Variants in EDAR observed in about 807,000 individuals in gnomAD.
The protein encoded by EDAR is tumor necrosis factor receptor superfamily member EDAR.
Under a neutral mutation model 51.3 loss-of-function variants are expected in EDAR, and 38 were observed. The observed-to-expected ratio is 0.74, with a 90% CI of 0.57 to 0.97. EDAR has a LOEUF of 0.97. Ranked by LOEUF, EDAR falls within the 50% of genes least tolerant of loss-of-function variation. The pLI, the probability that EDAR is intolerant of heterozygous loss-of-function variation, is 0.00. For synonymous variants in EDAR, 227 were observed against 242.1 expected (o/e 0.94, Z 0.58); for missense variants, 528 against 595.0 (o/e 0.89, Z 1.17).
intron 1 of EDAR, among the ~76,000 whole-genome samples, chr2:108,988,108 C>T (rs1698527968): frequency 6.6e-6 from 1 of 152,338 alleles, no homozygotes; most frequent in East Asian, 1.9e-4. Context: ...GCGTGTACCC[C>T]TGGCTGTGTG....
At chr2:108,909,442 T>TGAATCATAGGAAGATCATA (rs1553445468) in intron 9 of EDAR, among the ~76,000 whole-genome samples, 6 of 151,530 alleles carry the variant, frequency 4.0e-5, no homozygotes, top group South Asian at 2.1e-4. Flanking sequence ...CTTTGCAAGG[T>TGAATCATAGGAAGATCATA]GAATCATAGG....
At chr2:108,979,663 A>G (rs1263387432) in intron 1 of EDAR, among the ~76,000 whole-genome samples, 2 of 152,126 alleles carry the variant, frequency 1.3e-5, no homozygotes, top group Admixed American at 6.5e-5. Context: ...CCAGGGTCAG[A>G]TTAATCATGA....
chr2:108,980,126 G>C (rs981305654), intron 1 of EDAR, among the ~76,000 whole-genome samples: 1 of 149,630 alleles, frequency 6.7e-6, no homozygotes, highest in African/African-American at 2.5e-5. Flanking sequence ...CGGGTGGGGG[G>C]CTGGGCAAGT....
rs1330941063 is a variant in EDAR at position 108,897,169 on chromosome 2, G to A, written c.1085C>T (p.Ser362Phe). 1 of 1,613,858 alleles carries A rather than the reference G, an allele frequency of 6.2e-7. No individual in the cohort carries two copies. Among genetic ancestry groups the A allele is most frequent in the East Asian group, 2.2e-5 (1 of 44,870 alleles). ...CLEKTSRMLS[S>F]TYNSEKAVVK... Reference sequence around the variant, plus strand: ...AACAGCCTTCTCAGAGTTGTACGTGGAGCTGAGCATTCGGCTAGTCTTCTC... The same window carrying A: ...AACAGCCTTCTCAGAGTTGTACGTGAAGCTGAGCATTCGGCTAGTCTTCTC... Residue 362 changes from serine (S) to phenylalanine (F), a missense_variant, in exon 12 of 12, where the codon TCC becomes TTC. Physicochemically the swap from Ser to Phe is radical, Grantham distance 155. Transcript: ENST00000258443.
At position 108,896,791 on chromosome 2, in the gene EDAR, A is replaced by T; in HGVS notation, c.*116T>A. On this transcript the variant is annotated 3_prime_UTR_variant, in exon 12 of 12. Transcript: ENST00000258443. ...TGGCTCCTTGAACATCCTAAGGCAT[A>T]CGGTGACATATCACAAAAGCCTTGA... 3 of 1,013,062 alleles carry T rather than the reference A, an allele frequency of 3.0e-6. No homozygotes were observed. The highest frequency in any genetic ancestry group is 4.4e-6 in the Non-Finnish European group (3 of 685,286). The allele number at this position is 1,013,062 out of a possible 1,614,324, so 62.8% of individuals were successfully genotyped here. A position where few individuals can be genotyped will look rare whatever the true frequency, so the allele number is the denominator to read the frequency against.
chr2:108,984,025 C>T (rs1363755923), intron 1 of EDAR, among the ~76,000 whole-genome samples: 5 of 152,244 alleles, frequency 3.3e-5, no homozygotes, highest in Non-Finnish European at 1.5e-5. Flanking sequence ...TGTTCTTTCT[C>T]TGCACAACTT....
intron 1 of EDAR, among the ~76,000 whole-genome samples, chr2:108,933,762 A>C (rs1037598886): frequency 6.6e-6 from 1 of 151,834 alleles, no homozygotes; most frequent in Non-Finnish European, 1.5e-5. Context: ...GCAGGCAGCG[A>C]CGGGAGATCG....
rs201043165 is a variant in EDAR, at chr2:108,908,036, G to A, written c.804-17C>T. ...TCGTTCTCGCTGCAAAAACAAGAGC[G>A]ATGGTCATTAGCAGTGCCTGGGGGG... On this transcript the variant is annotated splice_polypyrimidine_tract_variant and intron_variant, in intron 9 of 11. Transcript: ENST00000258443. 5.5e-4 allele frequency: 876 copies of A among 1,603,202 alleles called. 1 individual carries two copies. Among genetic ancestry groups the A allele is most frequent in the East Asian group, 7.6e-4 (34 of 44,582 alleles).
chr2:108,975,285 G>A (rs78783364), intron 1 of EDAR, among the ~76,000 whole-genome samples: 1 of 152,138 alleles, frequency 6.6e-6, no homozygotes, highest in South Asian at 2.1e-4. Flanking sequence ...ATCCCCTGCC[G>A]GCCACCATGC....
intron 1 of EDAR, among the ~76,000 whole-genome samples, chr2:108,980,551 T>C (rs1574416556): frequency 6.6e-6 from 1 of 152,284 alleles, no homozygotes; most frequent in African/African-American, 2.4e-5. Flanking sequence ...TGATATTACA[T>C]GCATATGTAT....
At chr2:108,972,795 C>G (rs1698259935) in intron 1 of EDAR, among the ~76,000 whole-genome samples, 1 of 152,180 alleles carries the variant, frequency 6.6e-6, no homozygotes, top group Non-Finnish European at 1.5e-5. Flanking sequence ...ACCGGGGGGC[C>G]TCCGGCAGGG....
intron 8 of EDAR, 32 bp from the exon 9 acceptor site, chr2:108,910,564 G>T: frequency 6.3e-7 from 1 of 1,583,548 alleles, no homozygotes; most frequent in Non-Finnish European, 8.7e-7. Context: ...GGGGAGATAG[G>T]AGTTAGAATT....
At chr2:108,987,785 C>T (rs1392053210) in intron 1 of EDAR, among the ~76,000 whole-genome samples, 12 of 152,192 alleles carry the variant, frequency 7.9e-5, no homozygotes, top group Admixed American at 7.9e-4. Flanking sequence ...GTCATCGGAA[C>T]GAACGCTTAT....
At chr2:108,897,428 T>A (rs528575282) in intron 11 of EDAR, among the ~76,000 whole-genome samples, 199 bp from the exon 12 acceptor site, 9 of 152,072 alleles carry the variant, frequency 5.9e-5, no homozygotes, top group Non-Finnish European at 1.3e-4. Context: ...AAGAGAGGGC[T>A]GTGCATGTAC....
chr2:108,972,480 G>A (rs1333802048), intron 1 of EDAR, among the ~76,000 whole-genome samples: 2 of 152,196 alleles, frequency 1.3e-5, no homozygotes, highest in Non-Finnish European at 1.5e-5. Flanking sequence ...AATCCTGCCC[G>A]CTGTGGGAGT....
At chr2:108,962,674 CAAAAAAAAAAAA>C (rs66741499) in intron 1 of EDAR, among the ~76,000 whole-genome samples, 4 of 66,906 alleles carry the variant, frequency 6.0e-5, no homozygotes, top group African/African-American at 7.9e-5. Flanking sequence ...GACTCTGTCT[CAAAAAAAAAAAA>C]AAAAAAAAAA....
At chr2:108,900,079 T>G (rs886382823) in intron 11 of EDAR, among the ~76,000 whole-genome samples, 10 of 152,104 alleles carry the variant, frequency 6.6e-5, no homozygotes, top group African/African-American at 2.2e-4. Flanking sequence ...TGGAAAGAGA[T>G]AAAATCAAAA....
chr2:108,969,495 C>T (rs537541234), intron 1 of EDAR, among the ~76,000 whole-genome samples: 2 of 152,274 alleles, frequency 1.3e-5, no homozygotes, highest in African/African-American at 2.4e-5. Flanking sequence ...GTCCTGGCCC[C>T]GAGGACTCAG....
chr2:108,918,857 A>G (rs942431029), intron 5 of EDAR, among the ~76,000 whole-genome samples: 1 of 152,196 alleles, frequency 6.6e-6, no homozygotes, highest in Non-Finnish European at 1.5e-5. Flanking sequence ...ATTTTTAGGA[A>G]TGATCTGTTT....
Sources: gnomAD v4.1 joint callset for allele counts (sites outside exome capture counted in the v4.1 genomes callset) on GRCh38, gnomAD v4.1.1 for gene constraint, MANE v1.5 for transcripts, NCBI Gene and HGNC (gene_info 2026-07-23, HGNC 2026-07-21) for gene names.